ALOX12: variants seen among roughly 807,000 people sequenced by gnomAD.
ALOX12 encodes the protein polyunsaturated fatty acid lipoxygenase ALOX12.
A neutral mutation model predicts 85.5 loss-of-function variants in ALOX12; 62 were observed. The observed-to-expected ratio is 0.73, with a 90% CI of 0.59 to 0.90. The LOEUF (loss-of-function observed/expected upper bound fraction) is 0.90. Among genes scored for constraint, ALOX12 ranks in the 40% least tolerant of loss-of-function variants. The pLI, the probability that ALOX12 is intolerant of heterozygous loss-of-function variation, is 0.00. For missense variants in ALOX12, 751 were observed against 856.5 expected (o/e 0.88, Z 1.54); for synonymous variants, 299 against 332.7 (o/e 0.90, Z 1.10).
At chr17:7,006,878 C>G (rs1909114142) in intron 11 of ALOX12, among the ~76,000 whole-genome samples, 2 of 152,122 alleles carry the variant, frequency 1.3e-5, no homozygotes, top group African/African-American at 2.4e-5. Flanking sequence ...TATCCTGGGG[C>G]CCCCCAGGCC....
chr17:7,009,419 C>T (rs1035836441), intron 11 of ALOX12: 5 of 239,630 alleles, frequency 2.1e-5, no homozygotes, highest in Non-Finnish European at 4.1e-5. Flanking sequence ...CAGAACTTTT[C>T]AGCCCCCAAT....
intron 2 of ALOX12, among the ~76,000 whole-genome samples, chr17:6,998,178 C>T (rs1908542392): frequency 6.6e-6 from 1 of 151,958 alleles, no homozygotes; most frequent in Admixed American, 6.6e-5. Flanking sequence ...ATTTCATCAC[C>T]TTAATTAAGG....
At chr17:7,004,074 T>TTAATATTAAAATTAAAATTTTAATTTAA (rs143959838) in intron 8 of ALOX12, among the ~76,000 whole-genome samples, 2 of 144,660 alleles carry the variant, frequency 1.4e-5, no homozygotes, top group East Asian at 2.0e-4. Flanking sequence ...AAATTTTAAT[T>TTAATATTAAAATTAAAATTTTAATTTAA]TATTAAAATT....
At chr17:6,997,346 AAGG>A (rs1430284502) in intron 2 of ALOX12, among the ~76,000 whole-genome samples, 1 of 151,990 alleles carries the variant, frequency 6.6e-6, no homozygotes, top group African/African-American at 2.4e-5. Flanking sequence ...TGAAAGTAGG[AAGG>A]AGATGTAAAG....
Position 7,009,690 on chromosome 17 carries a change from C to A in ALOX12, c.1541-57C>A. 3.5e-6 allele frequency: 5 copies of A among 1,439,010 alleles called. No individual in the cohort carries two copies. The East Asian group carries it at 9.2e-5, about 26-fold the overall frequency. The allele number at this position is 1,439,010 out of a possible 1,614,324, so 89.1% of individuals were successfully genotyped here. ...AAATATGGGCATCCCAAAACAACAG[C>A]CTTTGTTCCTCTCCTCTTATGCTGT... On this transcript the variant is annotated intron_variant, in intron 11 of 13. Coordinates refer to ENST00000251535, the MANE Select transcript of ALOX12 (RefSeq NM_000697.3).
At chr17:7,009,907 G>A in intron 12 of ALOX12, 49 bp from the exon 13 acceptor site, 10 of 1,614,018 alleles carry the variant, frequency 6.2e-6, no homozygotes, top group East Asian at 2.2e-5. Context: ...AGAGATGGGA[G>A]TTCAAACCCT....
chr17:7,000,339 G>T lies in ALOX12; in HGVS notation c.811G>T (p.Gly271Cys), dbSNP rs760333668. 6.2e-7 allele frequency: 1 copy of T among 1,614,086 alleles called. No homozygotes were observed. Among genetic ancestry groups the T allele is most frequent in the South Asian group, 1.1e-5 (1 of 91,078 alleles). Residue 271 changes from glycine to cysteine, a missense_variant, in exon 7 of 14, where the codon GGT (glycine) becomes TGT (cysteine). Transcript: ENST00000251535. The surrounding 1 kb of genome is among the most constrained non-coding windows in gnomAD (Gnocchi z 4.6). ...QAQLEKELQN[G>C]SLFEADFILL... ...GATACATCCCTCCTGTCCCCAGAAT[G>T]GTTCCCTGTTTGAAGCTGACTTCAT...
intron 11 of ALOX12, chr17:7,009,501 T>C: frequency 2.2e-6 from 1 of 455,956 alleles, no homozygotes; most frequent in Non-Finnish European, 4.0e-6. Flanking sequence ...ATACATCATC[T>C]CATTTATAAT....
chr17:7,003,751 A>G (rs2920421), intron 8 of ALOX12, among the ~76,000 whole-genome samples: 103,923 of 152,098 alleles, frequency 0.68, 35,664 homozygotes, highest in South Asian at 0.77. Flanking sequence ...ATTATTATTA[A>G]GGACTGTTTA....
At chr17:6,998,017 T>C (rs1908536038) in intron 2 of ALOX12, among the ~76,000 whole-genome samples, 1 of 151,306 alleles carries the variant, frequency 6.6e-6, no homozygotes, top group Non-Finnish European at 1.5e-5. Context: ...CAGATTATGA[T>C]AGTAAATCCA....
rs1361618003 is a variant in ALOX12, at chr17:7,000,649, A to T, written c.951+170A>T. ...CGTCTCCCCTGCCTCATCCAACTAGAATTACTTTTTCAAGAGTCAAAATGG... is the reference window on the plus strand; with the variant it reads ...CGTCTCCCCTGCCTCATCCAACTAGTATTACTTTTTCAAGAGTCAAAATGG... On this transcript the variant is annotated intron_variant, in intron 7 of 13. Coordinates refer to ENST00000251535, the MANE Select transcript of ALOX12 (RefSeq NM_000697.3). The surrounding 1 kb of genome is among the most constrained non-coding windows in gnomAD (Gnocchi z 4.6). Among the ~76,000 whole-genome samples the T allele has an allele frequency of 1.3e-5, 2 of 152,106 alleles. No homozygotes were observed. The highest frequency in any genetic ancestry group is 2.4e-5 in the African/African-American group (1 of 41,418).
intron 3 of ALOX12, 52 bp from the exon 4 acceptor site, chr17:6,998,663 G>A: frequency 1.2e-6 from 2 of 1,612,206 alleles, no homozygotes; most frequent in African/African-American, 1.3e-5. Context: ...CCTGCCCCTG[G>A]CCCCATCACT....
chr17:7,001,741 C>T lies in ALOX12; in HGVS notation c.1091C>T (p.Thr364Ile), dbSNP rs143493293. The part of the protein sequence containing the change: ...LHEIQYHLLN[T>I]HLVAEVIAVA... ...GAGATCCAGTATCACTTGCTGAACA[C>T]TCACCTGGTGGCTGAGGTCATCGCT... Residue 364 changes from threonine (T) to isoleucine (I), a missense_variant, in exon 8 of 14, where the codon ACT (threonine) becomes ATT (isoleucine). Transcript: ENST00000251535. 12 of 1,614,106 alleles carry T rather than the reference C, an allele frequency of 7.4e-6. No homozygotes were observed. Among genetic ancestry groups the T allele is most frequent in the African/African-American group, 6.7e-5 (5 of 75,036 alleles).
intron 6 of ALOX12, chr17:6,999,678 A>G (rs1908616569): frequency 1.8e-6 from 1 of 547,640 alleles, no homozygotes; most frequent in Non-Finnish European, 3.2e-6. Flanking sequence ...GATCCCCAGC[A>G]CACAGAGAGG....
chr17:7,003,856 G>A (rs1908838617), intron 8 of ALOX12, among the ~76,000 whole-genome samples: 1 of 152,056 alleles, frequency 6.6e-6, no homozygotes, highest in Admixed American at 6.5e-5. Flanking sequence ...GTTAATGTGA[G>A]CTGCTTTGGT....
At chr17:6,999,941 A>G (rs1050585892) in intron 6 of ALOX12, among the ~76,000 whole-genome samples, 1 of 152,186 alleles carries the variant, frequency 6.6e-6, no homozygotes, top group Non-Finnish European at 1.5e-5. Context: ...AATATTTGGC[A>G]GAGGATGTGA....
At chr17:6,996,756 C>A in intron 1 of ALOX12, 70 bp from the exon 2 acceptor site, 10 of 1,514,626 alleles carry the variant, frequency 6.6e-6, no homozygotes, top group South Asian at 1.3e-5. Flanking sequence ...CACAGGAGCG[C>A]GGCTCTGTCC....
In ALOX12 at chr17:7,010,482, C is replaced by T. The variant is rs992758637; in HGVS notation, c.*59C>T. 2.6e-5 allele frequency: 41 copies of T among 1,558,958 alleles called. No individual in the cohort carries two copies. The highest frequency in any genetic ancestry group is 3.4e-4 in the Middle Eastern group (2 of 5,850). On this transcript the variant is annotated 3_prime_UTR_variant, in exon 14 of 14. Transcript: ENST00000251535. ...TCAGCTTTAGGACTGACATTTCTAT[C>T]TTGAATTTCATGCTTTCCTAAAGTC...
At chr17:7,008,936 A>AT (rs1909233695) in intron 11 of ALOX12, among the ~76,000 whole-genome samples, 1 of 152,016 alleles carries the variant, frequency 6.6e-6, no homozygotes, top group Non-Finnish European at 1.5e-5. Context: ...TTATTTATTT[A>AT]TTTTTTAATT....
Sources: gnomAD v4.1 joint callset for allele counts (sites outside exome capture counted in the v4.1 genomes callset) on GRCh38, gnomAD v4.1.1 for gene constraint, Gnocchi (gnomAD v3.1) non-coding constraint, MANE v1.5 for transcripts, NCBI Gene and HGNC (gene_info 2026-07-23, HGNC 2026-07-21) for gene names.